The following SMYD3 variants were observed in gnomAD, a reference collection of about 807,000 sequenced individuals.
The protein encoded by SMYD3 is histone-lysine N-methyltransferase SMYD3.
Under a neutral mutation model 57.7 loss-of-function variants are expected in SMYD3, and 36 were observed. The observed-to-expected ratio is 0.62, with a 90% CI of 0.48 to 0.82. SMYD3 has a LOEUF of 0.82. Among genes scored for constraint, SMYD3 ranks in the 40% least tolerant of loss-of-function variants. The pLI, the probability that SMYD3 is intolerant of heterozygous loss-of-function variation, is 0.00. For synonymous variants in SMYD3, 211 were observed against 195.0 expected (o/e 1.08, Z -0.68); for missense variants, 515 against 538.8 (o/e 0.96, Z 0.44).
intron 1 of SMYD3, among the ~76,000 whole-genome samples, chr1:246,451,703 A>G (rs1309211668): frequency 2.0e-5 from 3 of 152,214 alleles, no homozygotes; most frequent in African/African-American, 7.2e-5. Flanking sequence ...GGGGGTGTCC[A>G]TTGTAGGGGA....
chr1:246,500,767 C>T (rs745357416), intron 1 of SMYD3, among the ~76,000 whole-genome samples: 2 of 152,212 alleles, frequency 1.3e-5, no homozygotes, highest in South Asian at 2.1e-4. Flanking sequence ...GAACAACTTA[C>T]TGCTATCCAC....
At chr1:246,299,509 A>G (rs2148611006) in intron 5 of SMYD3, among the ~76,000 whole-genome samples, 1 of 152,310 alleles carries the variant, frequency 6.6e-6, no homozygotes, top group African/African-American at 2.4e-5. Flanking sequence ...CCAAAGGAAT[A>G]TAAATCATTT....
At chr1:245,780,626 C>T (rs1394136438) in intron 10 of SMYD3, among the ~76,000 whole-genome samples, 1 of 152,070 alleles carries the variant, frequency 6.6e-6, no homozygotes, top group Non-Finnish European at 1.5e-5. Context: ...GTTGTACAAC[C>T]TTGTAAATAT....
chr1:245,964,471 AAC>A (rs1440647368), intron 5 of SMYD3, among the ~76,000 whole-genome samples: 20 of 152,240 alleles, frequency 1.3e-4, no homozygotes, highest in Non-Finnish European at 1.5e-5. Context: ...AAAGGCAAAA[AAC>A]ACAGTGTGAA....
At chr1:246,309,288 G>T (rs1279747432) in intron 5 of SMYD3, among the ~76,000 whole-genome samples, 1 of 152,092 alleles carries the variant, frequency 6.6e-6, no homozygotes, top group Admixed American at 6.5e-5. Flanking sequence ...TGCCATGGAT[G>T]GGAAAACAGA....
intron 5 of SMYD3, among the ~76,000 whole-genome samples, chr1:246,261,627 C>T (rs2064014084): frequency 6.6e-6 from 1 of 151,764 alleles, no homozygotes; most frequent in Non-Finnish European, 1.5e-5. Context: ...AGACACATTA[C>T]TAAAACATGA....
At chr1:246,427,519 CA>C (rs200791623) in intron 1 of SMYD3, among the ~76,000 whole-genome samples, 9,450 of 135,722 alleles carry the variant, frequency 0.07, 853 homozygotes, top group East Asian at 0.23. Context: ...GACTCCGTCT[CA>C]AAAAAAAAAA....
At chr1:245,817,915 G>A (rs1263772877) in intron 10 of SMYD3, among the ~76,000 whole-genome samples, 32 of 152,238 alleles carry the variant, frequency 2.1e-4, no homozygotes, top group East Asian at 1.9e-4. Context: ...CCAAATCTAC[G>A]TCTGATTGGT....
intron 5 of SMYD3, among the ~76,000 whole-genome samples, chr1:246,043,782 G>A (rs750953106): frequency 2.2e-4 from 34 of 152,196 alleles, no homozygotes; most frequent in Admixed American, 3.3e-4. Flanking sequence ...TTCTTCCCTG[G>A]CAGCTTCCCA....
chr1:246,179,660 CT>C (rs1052224951), intron 5 of SMYD3, among the ~76,000 whole-genome samples: 5 of 152,182 alleles, frequency 3.3e-5, no homozygotes, highest in African/African-American at 1.2e-4. Flanking sequence ...GCCACTTCTC[CT>C]AGAAGAAGCC....
At chr1:245,751,835 A>G (rs899247714) in intron 11 of SMYD3, among the ~76,000 whole-genome samples, 2 of 152,224 alleles carry the variant, frequency 1.3e-5, no homozygotes, top group African/African-American at 4.8e-5. Context: ...CTGTGGGTGC[A>G]CAGCATCTGC....
chr1:246,372,205 T>C (rs2066203971), intron 1 of SMYD3, among the ~76,000 whole-genome samples: 1 of 152,220 alleles, frequency 6.6e-6, no homozygotes, highest in South Asian at 2.1e-4. Flanking sequence ...CTGATAGCCA[T>C]GGAACGACAG....
In SMYD3 at chr1:245,847,035, T is replaced by A. The variant is rs747933126; in HGVS notation, c.1076+11461A>T. On this transcript the variant is annotated intron_variant, in intron 10 of 11. Coordinates refer to ENST00000490107, the MANE Select transcript of SMYD3 (RefSeq NM_001167740.2). Reference sequence around the variant, plus strand: ...TCCCAAGCCCCTGCTCTCTCCCTGTTCAAAGGCTATGGCTGGCCACCCTTG... The same window carrying A: ...TCCCAAGCCCCTGCTCTCTCCCTGTACAAAGGCTATGGCTGGCCACCCTTG... Among the ~76,000 whole-genome samples, 81 of 152,310 alleles carry A rather than the reference T, an allele frequency of 5.3e-4. 1 individual carries two copies. The highest frequency in any genetic ancestry group is 1.0e-4 in the Non-Finnish European group (7 of 68,026).
At chr1:245,816,317 C>T (rs1309357870) in intron 10 of SMYD3, among the ~76,000 whole-genome samples, 1 of 151,784 alleles carries the variant, frequency 6.6e-6, no homozygotes, top group African/African-American at 2.4e-5. Context: ...GTGGACAGTG[C>T]CATTACTGTA....
intron 5 of SMYD3, among the ~76,000 whole-genome samples, chr1:246,244,701 G>A (rs889742662): frequency 6.6e-6 from 1 of 152,058 alleles, no homozygotes; most frequent in Non-Finnish European, 1.5e-5. Flanking sequence ...ATATTTTCTA[G>A]TTGTGTAAAA....
chr1:246,289,148 TAATTAA>T (rs1469353530), intron 5 of SMYD3, among the ~76,000 whole-genome samples: 8 of 152,164 alleles, frequency 5.3e-5, no homozygotes, highest in Admixed American at 5.2e-4. Flanking sequence ...AAGCGATTGT[TAATTAA>T]AATTATCCAA....
chr1:245,796,345 AT>A (rs34345920), intron 10 of SMYD3, among the ~76,000 whole-genome samples: 32,303 of 150,816 alleles, frequency 0.21, 4,835 homozygotes, highest in African/African-American at 0.43. Context: ...GGAATTCTAG[AT>A]TTTTTTTTTA....
intron 5 of SMYD3, among the ~76,000 whole-genome samples, chr1:245,980,159 G>A (rs573657948): frequency 1.3e-5 from 2 of 152,168 alleles, no homozygotes; most frequent in African/African-American, 4.8e-5. Flanking sequence ...CAACCCAAGC[G>A]GCATGATCTC....
chr1:245,991,391 A>T (rs2058811040), intron 5 of SMYD3, among the ~76,000 whole-genome samples: 1 of 152,266 alleles, frequency 6.6e-6, no homozygotes, highest in African/African-American at 2.4e-5. Context: ...TGCATTTGTT[A>T]TCTGTTTCTG....
Sources: allele counts gnomAD v4.1 joint callset (sites outside exome capture counted in the v4.1 genomes callset), GRCh38; gene constraint gnomAD v4.1.1; transcripts MANE v1.5; gene names NCBI Gene and HGNC (gene_info 2026-07-23, HGNC 2026-07-21).